The following UCHL5 variants were observed in gnomAD, a reference collection of about 807,000 sequenced individuals.
UCHL5 encodes the protein ubiquitin carboxyl-terminal hydrolase isozyme L5.
UCHL5 carries 34 observed loss-of-function variants against 53.8 expected under a neutral mutation model. The ratio of observed to expected loss-of-function variants is 0.63; its 90% CI spans 0.48 to 0.84. The LOEUF (loss-of-function observed/expected upper bound fraction) is 0.84, where lower values mean the gene tolerates loss of function less well. Among genes scored for constraint, UCHL5 ranks in the 40% least tolerant of loss-of-function variants. The pLI is 0.00. For synonymous variants in UCHL5, 111 were observed against 126.3 expected, an observed-to-expected ratio of 0.88 and a Z score of 0.81; for missense variants, 290 against 385.6, an observed-to-expected ratio of 0.75 and a Z score of 2.08.
intron 10 of UCHL5, among the ~76,000 whole-genome samples, chr1:193,017,987 T>C (rs1655443283): frequency 6.6e-6 from 1 of 151,526 alleles, no homozygotes; most frequent in Non-Finnish European, 1.5e-5. Flanking sequence ...AATAAAATCA[T>C]ATAAATAACA....
At chr1:193,017,972 A>G (rs923750016) in intron 10 of UCHL5, among the ~76,000 whole-genome samples, 21 of 151,602 alleles carry the variant, frequency 1.4e-4, no homozygotes, top group South Asian at 8.3e-4. Context: ...TTGTTAAAAA[A>G]TAAAAATAAA....
intron 3 of UCHL5, among the ~76,000 whole-genome samples, chr1:193,033,365 C>A (rs935509159): frequency 2.0e-5 from 3 of 151,612 alleles, no homozygotes; most frequent in Non-Finnish European, 4.4e-5. Flanking sequence ...CATCACACAC[C>A]GGGGCTTGTC....
At chr1:193,036,823 G>A (rs1571706848) in intron 3 of UCHL5, among the ~76,000 whole-genome samples, 1 of 151,304 alleles carries the variant, frequency 6.6e-6, no homozygotes, top group Non-Finnish European at 1.5e-5. Flanking sequence ...AGACCACAAT[G>A]GAATAAAACT....
At position 193,016,332 on chromosome 1, in the gene UCHL5, T is replaced by C; in HGVS notation, c.*19A>G. On this transcript the variant is annotated 3_prime_UTR_variant, in exon 11 of 11. Transcript: ENST00000367454. The stretch of plus-strand genomic sequence containing the variant: ...AAATATGTGCAGAAGCAGAAATGTG[T>C]ACATATCTGAAAACATCTTCATTTG... 1 of 1,600,990 alleles carries C rather than the reference T, an allele frequency of 6.2e-7. No individual in the cohort carries two copies. Among genetic ancestry groups the C allele is most frequent in the South Asian group, 1.1e-5 (1 of 88,328 alleles).
intron 3 of UCHL5, among the ~76,000 whole-genome samples, chr1:193,035,865 G>T (rs899139872): frequency 6.6e-6 from 1 of 151,982 alleles, no homozygotes; most frequent in Admixed American, 6.6e-5. Flanking sequence ...AAAAGTTAAA[G>T]TGTAGAGTTT....
chr1:193,050,504 A>G (rs1668662153), intron 2 of UCHL5, among the ~76,000 whole-genome samples: 1 of 152,082 alleles, frequency 6.6e-6, no homozygotes, highest in African/African-American at 2.4e-5. Context: ...AGGCTAAGGT[A>G]GGTAGATTAC....
At chr1:193,053,276 A>T (rs530851374) in intron 1 of UCHL5, among the ~76,000 whole-genome samples, 1 of 152,212 alleles carries the variant, frequency 6.6e-6, no homozygotes, top group South Asian at 2.1e-4. Flanking sequence ...AACACTGGTT[A>T]CTTCTATTGG....
intron 7 of UCHL5, among the ~76,000 whole-genome samples, chr1:193,026,987 A>T (rs532371971): frequency 1.3e-4 from 20 of 152,366 alleles, no homozygotes; most frequent in Non-Finnish European, 2.5e-4. Context: ...TGAAAAAGCT[A>T]ATGCGAAAAG....
At chr1:193,059,566 T>C, upstream of UCHL5, 1 of 1,510,194 alleles carries the variant, frequency 6.6e-7, no homozygotes, top group Non-Finnish European at 9.0e-7. The surrounding 1 kb of genome is among the most constrained non-coding windows in gnomAD (Gnocchi z 4.9). Context: ...ACATCCGGGA[T>C]CCTCGCCCCT....
At chr1:193,038,605 G>T (rs903227007) in intron 3 of UCHL5, among the ~76,000 whole-genome samples, 1 of 152,122 alleles carries the variant, frequency 6.6e-6, no homozygotes. Flanking sequence ...AACTGGAAAG[G>T]AAGAAATAAA....
At position 193,047,852 on chromosome 1, in the gene UCHL5, A is replaced by C. The variant is rs1045299764; in HGVS notation, c.246+1894T>G. 3.9e-5 allele frequency among the ~76,000 whole-genome samples: 6 copies of C among 152,222 alleles called. No homozygotes were observed. In the South Asian group the frequency reaches 6.2e-4, roughly 16 times the overall value. On this transcript the variant is annotated intron_variant, in intron 3 of 10. Transcript: ENST00000367454. ...GTAAAACTGGTGGTATTTTAGCATG[A>C]ATCTAGGCAATGACATTAAACTATT...
chr1:193,029,724 C>A, intron 3 of UCHL5, 67 bp from the exon 4 acceptor site: 1 of 1,261,250 alleles, frequency 7.9e-7, no homozygotes. Context: ...TAACTGGTGA[C>A]AATGGCCCCA....
At chr1:193,017,313 G>A (rs552639734) in intron 10 of UCHL5, among the ~76,000 whole-genome samples, 1 of 151,536 alleles carries the variant, frequency 6.6e-6, no homozygotes, top group African/African-American at 2.4e-5. Context: ...TTTTTAAAAC[G>A]TCCTTAAATA....
intron 7 of UCHL5, among the ~76,000 whole-genome samples, chr1:193,027,249 G>T: frequency 6.6e-6 from 1 of 151,912 alleles, no homozygotes; most frequent in East Asian, 1.9e-4. Flanking sequence ...TACACAAGAT[G>T]TCTCTGTATT....
chr1:193,027,227 A>T (rs12086884), intron 7 of UCHL5, among the ~76,000 whole-genome samples: 102,809 of 151,604 alleles, frequency 0.68, 35,786 homozygotes, highest in Non-Finnish European at 0.76. Context: ...GTTGCCACTG[A>T]AAGATAAAAA....
chr1:193,039,730 T>C (rs530507939), intron 3 of UCHL5, among the ~76,000 whole-genome samples: 1 of 152,302 alleles, frequency 6.6e-6, no homozygotes, highest in East Asian at 1.9e-4. Flanking sequence ...AGAATCACAT[T>C]ATCTGACTTC....
chr1:193,022,712 C>T (rs1657562732), intron 9 of UCHL5, among the ~76,000 whole-genome samples: 1 of 150,048 alleles, frequency 6.7e-6, no homozygotes, highest in Admixed American at 6.6e-5. Context: ...ACTGAAACAC[C>T]AAATAGGTTA....
At chr1:193,041,920 T>TA (rs1405043751) in intron 3 of UCHL5, among the ~76,000 whole-genome samples, 1 of 152,086 alleles carries the variant, frequency 6.6e-6, no homozygotes, top group East Asian at 1.9e-4. Context: ...GTCTAGGAGT[T>TA]AGAGACCAGC....
chr1:193,024,079 T>A (rs1216556894), intron 7 of UCHL5, 133 bp from the exon 8 acceptor site: 1 of 695,610 alleles, frequency 1.4e-6, no homozygotes, highest in Non-Finnish European at 2.3e-6. Flanking sequence ...GCAATAAAAA[T>A]GGACACTTTT....
Sources: gnomAD v4.1 joint callset for allele counts (sites outside exome capture counted in the v4.1 genomes callset) on GRCh38, gnomAD v4.1.1 for gene constraint, Gnocchi (gnomAD v3.1) non-coding constraint, MANE v1.5 for transcripts, NCBI Gene and HGNC (gene_info 2026-07-23, HGNC 2026-07-21) for gene names.